Variants in DHX9 observed in about 807,000 individuals in gnomAD.
DHX9 encodes ATP-dependent RNA helicase A.
DHX9 carries 27 observed loss-of-function variants against 148.7 expected under a neutral mutation model. The observed-to-expected ratio is 0.18, with a 90% CI of 0.13 to 0.25. DHX9 has a LOEUF of 0.25. Ranked by LOEUF, DHX9 falls within the 10% of genes least tolerant of loss-of-function variation. The pLI is 1.00. For synonymous variants in DHX9, 529 were observed against 516.6 expected (o/e 1.02, Z -0.33); for missense variants, 796 against 1,559.6 (o/e 0.51, Z 8.25).
chr1:182,848,054 T>C (rs1336403337), intron 3 of DHX9, among the ~76,000 whole-genome samples: 2 of 152,206 alleles, frequency 1.3e-5, no homozygotes, highest in African/African-American at 2.4e-5. Context: ...CTGTTCCAGC[T>C]ACAGTAGCTG....
At chr1:182,854,752 G>A (rs2102597574) in intron 6 of DHX9, among the ~76,000 whole-genome samples, 1 of 152,208 alleles carries the variant, frequency 6.6e-6, no homozygotes, top group East Asian at 1.9e-4. Context: ...CCTGTTAAAT[G>A]TATAAAACAA....
Position 182,878,128 on chromosome 1 carries a change from G to T in DHX9, c.2306G>T (p.Arg769Leu). ...CGGAAAGGGCGAGCTGGCCGAGTAC[G>T]GCCTGGATTCTGCTTTCACCTGTGC... The part of the protein sequence containing the change: ...EQRKGRAGRV[R>L]PGFCFHLCSR... The change falls in exon 20 of 28, where the codon CGG becomes CTG. Residue 769 changes from arginine to leucine, a missense_variant. Arg to Leu is a moderately radical substitution (Grantham distance 102). This residue lies in a region of DHX9 where 122 missense variants were observed against 289.3 expected (regional missense o/e 0.42). Transcript: ENST00000367549. 6.2e-7 allele frequency: 1 copy of T among 1,614,224 alleles called. No individual in the cohort carries two copies. Among genetic ancestry groups the T allele is most frequent in the Non-Finnish European group, 8.5e-7 (1 of 1,180,046 alleles).
intron 24 of DHX9, 70 bp downstream of exon 24, chr1:182,881,717 A>G: frequency 6.8e-7 from 1 of 1,471,114 alleles, no homozygotes; most frequent in Non-Finnish European, 9.1e-7. Context: ...TTGACAGCAA[A>G]GTGTATTTTA....
Position 182,853,338 on chromosome 1 carries a change from G to A in DHX9, c.397G>A (p.Gly133Ser), listed in dbSNP as rs1668191232. The A allele has an allele frequency of 6.2e-7, 1 of 1,613,672 alleles. No individual in the cohort carries two copies. The highest frequency in any genetic ancestry group is 1.3e-5 in the African/African-American group (1 of 74,832). Reference sequence around the variant, plus strand: ...TTCTGAGGTAGGGGCCTCTGGCTATGGTGTTCCTGGGCCCACCTGGGACCG... The same window carrying A: ...TTCTGAGGTAGGGGCCTCTGGCTATAGTGTTCCTGGGCCCACCTGGGACCG... Reference protein sequence around the residue: ...NNSEVGASGYGVPGPTWDRGA... With the variant: ...NNSEVGASGYSVPGPTWDRGA... Residue 133 changes from glycine (G) to serine (S), a missense_variant, in exon 5 of 28, where the codon GGT (glycine) becomes AGT (serine). Gly to Ser is a moderately conservative substitution (Grantham distance 56). Around this residue, in one of 14 missense-constraint regions of DHX9, gnomAD observed 89 missense variants for 77.5 expected, o/e 1.15. Coordinates refer to ENST00000367549, the MANE Select transcript of DHX9 (RefSeq NM_001357.5).
At chr1:182,857,984 C>G in intron 7 of DHX9, 120 bp from the exon 8 acceptor site, 3 of 971,176 alleles carry the variant, frequency 3.1e-6, no homozygotes, top group Non-Finnish European at 4.5e-6. Context: ...GAACTAGAAG[C>G]CATGGCATAC....
chr1:182,863,116 T>C (rs1648062060), intron 12 of DHX9, among the ~76,000 whole-genome samples: 1 of 152,250 alleles, frequency 6.6e-6, no homozygotes, highest in South Asian at 2.1e-4. Flanking sequence ...AAAAATATTA[T>C]CCTTTGCTTT....
rs60097361 is a variant in DHX9, at chr1:182,852,461, C to T, written c.364+117C>T. On this transcript the variant is annotated intron_variant, in intron 4 of 27. Coordinates refer to ENST00000367549, the MANE Select transcript of DHX9 (RefSeq NM_001357.5). ...GCAGTAAACTCTTGATGTTAAGAGA[C>T]AACCCAAGGCCTTCATAAATTTGCA... 0.011 allele frequency: 6,826 copies of T among 627,958 alleles called. 360 individuals are homozygous for T. The African/African-American group carries it at 0.11, about 11-fold the overall frequency. 38.9% of individuals were successfully genotyped at this position (627,958 alleles called of 1,614,324 possible).
intron 14 of DHX9, among the ~76,000 whole-genome samples, chr1:182,868,800 C>G (rs900556123): frequency 3.3e-5 from 5 of 152,082 alleles, no homozygotes; most frequent in Non-Finnish European, 7.4e-5. Flanking sequence ...ATTTTCTCCT[C>G]TTACTTTTAT....
rs1273183803 is a variant in DHX9, at chr1:182,874,876, T to A, written c.1737T>A (p.Ile579=). The A allele has an allele frequency of 3.1e-6, 5 of 1,612,462 alleles. No individual in the cohort carries two copies. Among genetic ancestry groups the A allele is most frequent in the Non-Finnish European group, 3.4e-6 (4 of 1,179,302 alleles). Residue 579 remains isoleucine (I), a synonymous_variant, in exon 16 of 28, where the codon ATT becomes ATA. Coordinates refer to ENST00000367549, the MANE Select transcript of DHX9 (RefSeq NM_001357.5). ...PVQEYFLEDC[I]QMTHFVPPPK... is the part of the protein sequence containing the mutation. ...CAGAATATTTTCTGGAAGACTGCAT[T>A]CAGATGACCCACTTTGTTCCTCCAC... is the stretch of plus-strand genomic sequence containing the variant.
intron 3 of DHX9, among the ~76,000 whole-genome samples, chr1:182,845,978 TC>T (rs1356566665): frequency 2.0e-5 from 3 of 152,226 alleles, no homozygotes; most frequent in Non-Finnish European, 4.4e-5. Context: ...ACTTCATTAT[TC>T]AGTATTGATT....
intron 20 of DHX9, among the ~76,000 whole-genome samples, chr1:182,878,640 T>G (rs1472250987): frequency 1.3e-5 from 2 of 152,244 alleles, no homozygotes; most frequent in African/African-American, 4.8e-5. Flanking sequence ...AGATATCTCT[T>G]TTAAAACTGA....
At chr1:182,872,066 A>G (rs1245751555) in intron 14 of DHX9, among the ~76,000 whole-genome samples, 4 of 152,188 alleles carry the variant, frequency 2.6e-5, no homozygotes, top group Non-Finnish European at 4.4e-5. Flanking sequence ...TTGACCTCCA[A>G]AAATACTGGG....
chr1:182,886,570 G>T (rs1649341322), intron 27 of DHX9, among the ~76,000 whole-genome samples: 1 of 152,172 alleles, frequency 6.6e-6, no homozygotes, highest in Admixed American at 6.5e-5. Flanking sequence ...GGAATAATAA[G>T]CAGATTGGGG....
intron 12 of DHX9, among the ~76,000 whole-genome samples, chr1:182,861,489 G>C (rs537996264): frequency 6.6e-6 from 1 of 152,288 alleles, no homozygotes; most frequent in Non-Finnish European, 1.5e-5. Context: ...GAGAAGCCTT[G>C]AGCTCAGCTC....
chr1:182,853,915 C>A (rs537667175), intron 5 of DHX9, 115 bp from the exon 6 acceptor site: 29 of 951,588 alleles, frequency 3.0e-5, no homozygotes, highest in African/African-American at 6.5e-5. Context: ...TATAAACTAT[C>A]AAAAACAGCT....
At chr1:182,849,882 G>A (rs1365794786) in intron 3 of DHX9, among the ~76,000 whole-genome samples, 3 of 149,944 alleles carry the variant, frequency 2.0e-5, no homozygotes, top group Non-Finnish European at 4.4e-5. Flanking sequence ...CCTGTGATGT[G>A]TCACAAATAT....
At chr1:182,880,362 C>T (rs376798399) in intron 21 of DHX9, 135 bp from the exon 22 acceptor site, 7 of 543,756 alleles carry the variant, frequency 1.3e-5, no homozygotes, top group Admixed American at 6.7e-5. Context: ...AATTGTTGGC[C>T]GTAGACATGG....
chr1:182,883,073 G>A (rs1269043286), intron 24 of DHX9, 66 bp from the exon 25 acceptor site: 1 of 1,049,566 alleles, frequency 9.5e-7, no homozygotes, highest in Admixed American at 1.7e-5. Flanking sequence ...ATCTTAAATA[G>A]TTTGCATGTA....
chr1:182,845,038 G>A (rs1381004164), intron 3 of DHX9, among the ~76,000 whole-genome samples: 1 of 152,140 alleles, frequency 6.6e-6, no homozygotes, highest in African/African-American at 2.4e-5. Flanking sequence ...ATTCTGACTC[G>A]TTATGAAAGA....
Sources: allele counts gnomAD v4.1 joint callset (sites outside exome capture counted in the v4.1 genomes callset), GRCh38; gene constraint gnomAD v4.1.1; regional missense constraint gnomAD v4.1.1; transcripts MANE v1.5; gene names NCBI Gene and HGNC (gene_info 2026-07-23, HGNC 2026-07-21).